The following GOLGB1 variants were observed in gnomAD, a reference collection of about 807,000 sequenced individuals.
GOLGB1 encodes the protein golgin B1.
Under a neutral mutation model 336.9 loss-of-function variants are expected in GOLGB1, and 174 were observed. That is an observed-to-expected ratio of 0.52 (90% confidence interval 0.46 to 0.59). GOLGB1 has a LOEUF of 0.59. GOLGB1 is among the 20% of genes least tolerant of loss of function. The pLI is 0.00. For missense variants in GOLGB1, 3,331 were observed against 3,645.3 expected (o/e 0.91, Z 2.22); for synonymous variants, 1,208 against 1,289.2 (o/e 0.94, Z 1.35).
chr3:121,707,838 T>C (rs1350504290), intron 10 of GOLGB1, among the ~76,000 whole-genome samples: 1 of 152,184 alleles, frequency 6.6e-6, no homozygotes, highest in Non-Finnish European at 1.5e-5. Context: ...CAACAAAGAC[T>C]GTATGACCCA....
At chr3:121,743,971 TATC>T (rs1363996992) in intron 1 of GOLGB1, among the ~76,000 whole-genome samples, 2 of 152,164 alleles carry the variant, frequency 1.3e-5, no homozygotes, top group African/African-American at 4.8e-5. Flanking sequence ...GTAATTCAAA[TATC>T]ATTAATTATT....
chr3:121,667,623 A>G lies in GOLGB1; in HGVS notation c.9420-13T>C. The G allele has an allele frequency of 1.2e-6, 2 of 1,612,390 alleles. No individual in the cohort carries two copies. Among genetic ancestry groups the G allele is most frequent in the Non-Finnish European group, 1.7e-6 (2 of 1,178,836 alleles). On this transcript the variant is annotated splice_polypyrimidine_tract_variant and intron_variant, in intron 19 of 21. Transcript: ENST00000614479. ...AGCTTCAGAAAAGCTTTAGGATGAG[A>G]GGAAAACAAAAAGCATCATCAGATG...
At position 121,727,320 on chromosome 3, in the gene GOLGB1, A is replaced by G. The variant is rs13096306; in HGVS notation, c.403-279T>C. Among the ~76,000 whole-genome samples, 3 of 28,636 alleles carry G rather than the reference A, an allele frequency of 1.0e-4. No homozygotes were observed. In the East Asian group the frequency reaches 3.0e-3, roughly 28 times the overall value. 18.8% of individuals were successfully genotyped at this position (28,636 alleles called of 152,430 possible). A position where few individuals can be genotyped will look rare whatever the true frequency, so the allele number is the denominator to read the frequency against. ...TATATATATATATATATATATATAT[A>G]TTTTTTTTTTTTTTTTTTTTTTTTT... On this transcript the variant is annotated intron_variant, in intron 4 of 21. Transcript: ENST00000614479.
rs1300746895 is a variant in GOLGB1 at position 121,697,869 on chromosome 3, T to C, written c.2654A>G (p.Gln885Arg). 1.2e-6 allele frequency: 2 copies of C among 1,613,990 alleles called. No homozygotes were observed. The highest frequency in any genetic ancestry group is 1.6e-4 in the Middle Eastern group (1 of 6,084). Residue 885 changes from glutamine to arginine, a missense_variant, in exon 13 of 22, where the codon CAG becomes CGG. Coordinates refer to ENST00000614479, the MANE Select transcript of GOLGB1 (RefSeq NM_001366282.2). ...ATCTCTCTTTTTCTCTAGTAAGAGCTGATCCATTTTTGTTATTTCAAGTTC... is the reference window on the plus strand; with the variant it reads ...ATCTCTCTTTTTCTCTAGTAAGAGCCGATCCATTTTTGTTATTTCAAGTTC... ...QKELEITKMDQLLLEKKRDVE... is the reference protein window; with the variant it reads ...QKELEITKMDRLLLEKKRDVE...
intron 14 of GOLGB1, among the ~76,000 whole-genome samples, chr3:121,686,663 AT>A (rs1941767473): frequency 2.6e-5 from 2 of 76,848 alleles, no homozygotes; most frequent in Non-Finnish European, 6.9e-5. Flanking sequence ...AATTAAACAT[AT>A]ACACACACAC....
Position 121,695,830 on chromosome 3 carries a change from A to G in GOLGB1, c.4693T>C (p.Leu1565=), listed in dbSNP as rs765483383. The change falls in exon 13 of 22, where the codon TTG becomes CTG. Residue 1565 remains leucine (L), a synonymous_variant. Coordinates refer to ENST00000614479, the MANE Select transcript of GOLGB1 (RefSeq NM_001366282.2). ...KLITEMDRSL[L]ENQSLSSSCE... ...GAGCTGCTGAGACTCTGATTTTCCA[A>G]TAAAGACCTGTCCATTTCTGTAATG... The G allele has an allele frequency of 1.9e-6, 3 of 1,614,038 alleles. No homozygotes were observed. Among genetic ancestry groups the G allele is most frequent in the East Asian group, 2.2e-5 (1 of 44,874 alleles).
At chr3:121,727,314 ATATATATTTTTTTT>A (rs1484666679) in intron 4 of GOLGB1, among the ~76,000 whole-genome samples, 13 of 38,536 alleles carry the variant, frequency 3.4e-4, no homozygotes, top group Non-Finnish European at 5.8e-5. Context: ...ATATATATAT[ATATATATTTTTTTT>A]TTTTTTTTTT....
chr3:121,664,661 A>G (rs763820936), intron 21 of GOLGB1, 47 bp from the exon 22 acceptor site: 26 of 1,584,078 alleles, frequency 1.6e-5, no homozygotes, highest in Non-Finnish European at 2.2e-5. Context: ...CTATAGGGCT[A>G]TGTTGCTTTC....
chr3:121,697,457 G>A lies in GOLGB1; in HGVS notation c.3066C>T (p.Ala1022=). The change falls in exon 13 of 22, where the codon GCC becomes GCT. Residue 1022 remains alanine (A), a synonymous_variant. Coordinates refer to ENST00000614479, the MANE Select transcript of GOLGB1 (RefSeq NM_001366282.2). ...QRVSRLEEEL[A]NLKDESKKEI... ...CTTTCTTAGATTCATCTTTCAAGTT[G>A]GCTAATTCTTCTTCCAATCTACTGA... 1 of 1,611,198 alleles carries A rather than the reference G, an allele frequency of 6.2e-7. No homozygotes were observed. Among genetic ancestry groups the A allele is most frequent in the Middle Eastern group, 1.7e-4 (1 of 6,042 alleles).
At chr3:121,705,969 G>GT (rs905566697) in intron 10 of GOLGB1, among the ~76,000 whole-genome samples, 10 of 152,108 alleles carry the variant, frequency 6.6e-5, no homozygotes, top group Non-Finnish European at 1.2e-4. Context: ...AAAGGACCAA[G>GT]TTTTTTTCAA....
chr3:121,724,449 G>A (rs1020523564), intron 5 of GOLGB1, among the ~76,000 whole-genome samples: 14 of 152,124 alleles, frequency 9.2e-5, no homozygotes, highest in Non-Finnish European at 1.8e-4. Flanking sequence ...GGCTGAGCTT[G>A]AGAGTGATGA....
intron 5 of GOLGB1, among the ~76,000 whole-genome samples, chr3:121,723,545 G>A (rs553026750): frequency 3.3e-5 from 5 of 152,156 alleles, no homozygotes; most frequent in South Asian, 2.1e-4. Context: ...TAAAATGAAG[G>A]CCTTCTATTG....
intron 5 of GOLGB1, among the ~76,000 whole-genome samples, chr3:121,722,832 T>C (rs1223430999): frequency 1.3e-5 from 2 of 152,198 alleles, no homozygotes; most frequent in Admixed American, 6.6e-5. Flanking sequence ...ATGTATTTAT[T>C]TGCTGGAATG....
intron 10 of GOLGB1, among the ~76,000 whole-genome samples, chr3:121,706,072 A>G (rs987471325): frequency 1.3e-5 from 2 of 151,766 alleles, no homozygotes; most frequent in Admixed American, 1.3e-4. Context: ...CCGGAGGCAG[A>G]GGTTGCAGTG....
At chr3:121,675,368 C>T (rs1940221140) in intron 17 of GOLGB1, among the ~76,000 whole-genome samples, 1 of 152,152 alleles carries the variant, frequency 6.6e-6, no homozygotes, top group African/African-American at 2.4e-5. Flanking sequence ...GTTTTTACCT[C>T]ATTTCTTTTT....
chr3:121,727,528 G>C (rs2108264579), intron 4 of GOLGB1, among the ~76,000 whole-genome samples: 1 of 151,568 alleles, frequency 6.6e-6, no homozygotes, highest in South Asian at 2.1e-4. Context: ...TCAGTGCCAT[G>C]CAGGACTAAA....
At chr3:121,740,836 A>T (rs979047137) in intron 1 of GOLGB1, among the ~76,000 whole-genome samples, 2 of 152,008 alleles carry the variant, frequency 1.3e-5, no homozygotes, top group African/African-American at 2.4e-5. Context: ...TTATTTGAAA[A>T]TTTTTTTTAA....
rs1216701208 is a variant in GOLGB1, at chr3:121,727,289, C to CATATATATAT, written c.403-249_403-248insATATATATAT. 6.1e-4 allele frequency among the ~76,000 whole-genome samples: 27 copies of CATATATATAT among 44,336 alleles called. No individual in the cohort carries two copies. The East Asian group carries it at 0.014, about 22-fold the overall frequency. 29.1% of individuals were successfully genotyped at this position (44,336 alleles called of 152,430 possible). Reference sequence around the variant, plus strand: ...ATAAACTGTGAAATACATACACACACACACATATATATATATATATATATA... The same window carrying CATATATATAT: ...ATAAACTGTGAAATACATACACACACATATATATATACACATATATATATATATATATATA... On this transcript the variant is annotated intron_variant, in intron 4 of 21. Transcript: ENST00000614479.
chr3:121,715,272 C>A (rs1168118987), intron 9 of GOLGB1, among the ~76,000 whole-genome samples: 2 of 149,018 alleles, frequency 1.3e-5, no homozygotes, highest in African/African-American at 5.0e-5. Context: ...GGTGCGATCT[C>A]GGCTCACTGT....
Sources: gnomAD v4.1 joint callset for allele counts (sites outside exome capture counted in the v4.1 genomes callset) on GRCh38, gnomAD v4.1.1 for gene constraint, MANE v1.5 for transcripts, NCBI Gene and HGNC (gene_info 2026-07-23, HGNC 2026-07-21) for gene names.